Variants in EPHB1 observed in about 807,000 individuals in gnomAD.
The protein encoded by EPHB1 is ephrin type-B receptor 1.
A neutral mutation model predicts 94.4 loss-of-function variants in EPHB1; 30 were observed. The observed-to-expected ratio is 0.32, with a 90% CI of 0.24 to 0.43. EPHB1 has a LOEUF of 0.43. Among genes scored for constraint, EPHB1 ranks in the 20% least tolerant of loss-of-function variants. The pLI, the probability that EPHB1 is intolerant of heterozygous loss-of-function variation, is 1.00. For missense variants in EPHB1, 1,055 were observed against 1,308.3 expected, an observed-to-expected ratio of 0.81 and a Z score of 2.99; for synonymous variants, 522 against 489.1, an observed-to-expected ratio of 1.07 and a Z score of -0.89.
chr3:135,039,625 C>G (rs372206198), intron 3 of EPHB1, among the ~76,000 whole-genome samples: 2 of 152,338 alleles, frequency 1.3e-5, no homozygotes, highest in South Asian at 4.1e-4. Context: ...GCCAGTGGGC[C>G]GGCACTGCTG....
intron 1 of EPHB1, among the ~76,000 whole-genome samples, chr3:134,800,212 G>T (rs960984462): frequency 6.6e-6 from 1 of 151,944 alleles, no homozygotes; most frequent in Non-Finnish European, 1.5e-5. Flanking sequence ...GGGTCATGTT[G>T]CCCACTTATT....
At position 135,201,538 on chromosome 3, in the gene EPHB1, T is replaced by C. The variant is rs778435116; in HGVS notation, c.2195T>C (p.Met732Thr). 5 of 1,614,002 alleles carry C rather than the reference T, an allele frequency of 3.1e-6. No homozygotes were observed. The highest frequency in any genetic ancestry group is 2.5e-6 in the Non-Finnish European group (3 of 1,179,996). Residue 732 changes from methionine (M) to threonine (T), a missense_variant, in exon 12 of 16, where the codon ATG (methionine) becomes ACG (threonine). Physicochemically the swap from Met to Thr is moderately conservative, Grantham distance 81. Transcript: ENST00000398015. The stretch of plus-strand genomic sequence containing the variant: ...ATGCTCAGGGGCATCGCTGCTGGCA[T>C]GAAGTACCTGGCTGAGATGAATTAT... ...VGMLRGIAAG[M>T]KYLAEMNYVH...
chr3:134,952,127 TG>T, intron 3 of EPHB1, 75 bp downstream of exon 3: 2 of 1,468,382 alleles, frequency 1.4e-6, no homozygotes, highest in Non-Finnish European at 1.8e-6. Flanking sequence ...CCAATAATTC[TG>T]GGTCATACAG....
chr3:135,257,755 C>T (rs751029355), intron 15 of EPHB1, among the ~76,000 whole-genome samples: 1 of 150,410 alleles, frequency 6.6e-6, no homozygotes, highest in African/African-American at 2.4e-5. Flanking sequence ...TTCGAGCTTC[C>T]CGGCTGCTTT....
intron 3 of EPHB1, among the ~76,000 whole-genome samples, chr3:135,007,651 T>C (rs1246895897): frequency 6.6e-6 from 1 of 152,204 alleles, no homozygotes; most frequent in Non-Finnish European, 1.5e-5. Context: ...TCACATATTG[T>C]GCTGCAAAGC....
chr3:135,119,956 T>C lies in EPHB1; in HGVS notation c.962-12758T>C, dbSNP rs114337121. Among the ~76,000 whole-genome samples, 931 of 152,350 alleles carry C rather than the reference T, an allele frequency of 6.1e-3. 9 individuals are homozygous for C. The highest frequency in any genetic ancestry group is 0.021 in the African/African-American group (889 of 41,570). On this transcript the variant is annotated intron_variant, in intron 4 of 15. Coordinates refer to ENST00000398015, the MANE Select transcript of EPHB1 (RefSeq NM_004441.5). ...AACTGTTTGTGTATGTTTGTCTTTA[T>C]TCTTTCTAATTGGTGGTTCTGTCTG...
At chr3:134,868,303 G>T (rs1662395953) in intron 1 of EPHB1, among the ~76,000 whole-genome samples, 1 of 152,142 alleles carries the variant, frequency 6.6e-6, no homozygotes, top group South Asian at 2.1e-4. Context: ...TCAGCTGTTT[G>T]GACCCTAAGG....
intron 9 of EPHB1, among the ~76,000 whole-genome samples, chr3:135,168,443 T>C (rs1445781323): frequency 6.6e-6 from 1 of 152,254 alleles, no homozygotes; most frequent in Non-Finnish European, 1.5e-5. Context: ...GGATCAACCC[T>C]GCTGTGTTCT....
chr3:134,951,050 C>T lies in EPHB1; in HGVS notation c.124-321C>T, dbSNP rs958958188. On this transcript the variant is annotated intron_variant, in intron 2 of 15. Transcript: ENST00000398015. This position sits in a 1 kb window ranked among gnomAD's most constrained non-coding sequence, Gnocchi z 4.5. ...GTGAGGAAGAAAGTCCCTGCCATCA[C>T]ATGGGCTGAAAGCTGCATGTTGTCC... 2.0e-5 allele frequency among the ~76,000 whole-genome samples: 3 copies of T among 152,286 alleles called. No homozygotes were observed. The highest frequency in any genetic ancestry group is 2.1e-4 in the South Asian group (1 of 4,822).
Position 135,133,004 on chromosome 3 carries a change from T to C in EPHB1, c.1252T>C (p.Phe418Leu), listed in dbSNP as rs767929800. ...CAATGGAGTCTCCAGCAAGAGTCCC[T>C]TCCCCCCACAGCACGTCTCTGTCAA... ...AINGVSSKSP[F>L]PPQHVSVNIT... The change falls in exon 5 of 16, where the codon TTC becomes CTC. Residue 418 changes from phenylalanine (F) to leucine (L), a missense_variant. Transcript: ENST00000398015. 3 of 1,607,808 alleles carry C rather than the reference T, an allele frequency of 1.9e-6. No individual in the cohort carries two copies. Among genetic ancestry groups the C allele is most frequent in the East Asian group, 4.5e-5 (2 of 44,712 alleles).
chr3:135,246,359 TTTGTGAGCCAGGC>T (rs1386064183), intron 13 of EPHB1, among the ~76,000 whole-genome samples: 1 of 151,718 alleles, frequency 6.6e-6, no homozygotes, highest in East Asian at 1.9e-4. Flanking sequence ...GGGTGCGGGG[TTTGTGAGCCAGGC>T]TGATGGGAAT....
At chr3:135,184,920 G>T (rs1441614251) in intron 10 of EPHB1, among the ~76,000 whole-genome samples, 1 of 152,194 alleles carries the variant, frequency 6.6e-6, no homozygotes, top group East Asian at 1.9e-4. Flanking sequence ...CAGTAGACTT[G>T]CCCAGAACAT....
At chr3:135,077,906 T>C (rs1484887009) in intron 3 of EPHB1, among the ~76,000 whole-genome samples, 4 of 152,250 alleles carry the variant, frequency 2.6e-5, no homozygotes, top group Non-Finnish European at 4.4e-5. Context: ...TTTACTTCCA[T>C]GTATAAACAG....
chr3:135,173,403 TAAC>T (rs1941873613), intron 9 of EPHB1, among the ~76,000 whole-genome samples: 1 of 152,164 alleles, frequency 6.6e-6, no homozygotes, highest in Non-Finnish European at 1.5e-5. Flanking sequence ...TGTTCAGTAA[TAAC>T]TGGTTTTTGG....
At chr3:134,949,298 G>C (rs1932921158) in intron 2 of EPHB1, among the ~76,000 whole-genome samples, 1 of 152,114 alleles carries the variant, frequency 6.6e-6, no homozygotes, top group South Asian at 2.1e-4. Context: ...GAGGACCCTG[G>C]ATTAACTGCA....
chr3:135,007,698 T>C (rs545214909), intron 3 of EPHB1, among the ~76,000 whole-genome samples: 1 of 152,348 alleles, frequency 6.6e-6, no homozygotes, highest in East Asian at 1.9e-4. Context: ...TTGTCCTGTA[T>C]AAAGAGCACC....
At chr3:135,180,201 T>A (rs571239008) in intron 10 of EPHB1, among the ~76,000 whole-genome samples, 1 of 152,214 alleles carries the variant, frequency 6.6e-6, no homozygotes, top group Non-Finnish European at 1.5e-5. Flanking sequence ...GTGGCCAAGC[T>A]TGTCTGTTGT....
intron 7 of EPHB1, among the ~76,000 whole-genome samples, chr3:135,164,329 A>G (rs1040233300): frequency 1.3e-5 from 2 of 152,196 alleles, no homozygotes; most frequent in African/African-American, 2.4e-5. Context: ...CTCCTCCAAC[A>G]TGGTTGAAGG....
intron 3 of EPHB1, among the ~76,000 whole-genome samples, chr3:135,008,190 C>T (rs1935492492): frequency 6.6e-6 from 1 of 152,178 alleles, no homozygotes; most frequent in Non-Finnish European, 1.5e-5. Context: ...AGAGAGGAGG[C>T]TGGTTGCATT....
Sources: gnomAD v4.1 joint callset for allele counts (sites outside exome capture counted in the v4.1 genomes callset) on GRCh38, gnomAD v4.1.1 for gene constraint, Gnocchi (gnomAD v3.1) non-coding constraint, MANE v1.5 for transcripts, NCBI Gene and HGNC (gene_info 2026-07-23, HGNC 2026-07-21) for gene names.